TOR1AIP1: variants seen among roughly 807,000 people sequenced by gnomAD.
TOR1AIP1 encodes the protein torsin 1A interacting protein 1.
TOR1AIP1 carries 54 observed loss-of-function variants against 63.3 expected under a neutral mutation model. The observed-to-expected ratio is 0.85, with a 90% CI of 0.69 to 1.07. The LOEUF (loss-of-function observed/expected upper bound fraction) is 1.07. TOR1AIP1 is among the 50% of genes least tolerant of loss of function. The pLI is 0.00. For missense variants in TOR1AIP1, 736 were observed against 715.0 expected (o/e 1.03, Z -0.33); for synonymous variants, 294 against 273.5 (o/e 1.07, Z -0.74).
At chr1:179,887,616 C>T (rs546918033) in intron 2 of TOR1AIP1, among the ~76,000 whole-genome samples, 3 of 152,274 alleles carry the variant, frequency 2.0e-5, no homozygotes, top group East Asian at 3.9e-4. Flanking sequence ...GTTATATATA[C>T]CTACATAACA....
chr1:179,907,044 C>T (rs559517295), intron 6 of TOR1AIP1, among the ~76,000 whole-genome samples: 1 of 151,594 alleles, frequency 6.6e-6, no homozygotes, highest in East Asian at 2.0e-4. Flanking sequence ...GCTGATTTTC[C>T]CTTATTTATA....
chr1:179,906,314 GATATTCATGA>G (rs1228789029), intron 6 of TOR1AIP1, among the ~76,000 whole-genome samples: 1 of 152,132 alleles, frequency 6.6e-6, no homozygotes, highest in Non-Finnish European at 1.5e-5. Flanking sequence ...TTAACAGATA[GATATTCATGA>G]ATTTTTAAAT....
rs948044035 is a variant in TOR1AIP1 at position 179,919,156 on chromosome 1, T to G, written c.*917T>G. The G allele has an allele frequency of 6.6e-6, 1 of 151,916 alleles. No individual in the cohort carries two copies. Among genetic ancestry groups the G allele is most frequent in the African/African-American group, 2.4e-5 (1 of 41,276 alleles). 9.4% of individuals were successfully genotyped at this position (151,916 alleles called of 1,614,324 possible). A position where few individuals can be genotyped will look rare whatever the true frequency, so the allele number is the denominator to read the frequency against. ...GTGCATGCCTGAAATCCCAGCTACTTGGGAGGCTGAGGCAGGAGAATTGCT... is the reference window on the plus strand; with the variant it reads ...GTGCATGCCTGAAATCCCAGCTACTGGGGAGGCTGAGGCAGGAGAATTGCT... On this transcript the variant is annotated 3_prime_UTR_variant, in exon 10 of 10. Coordinates refer to ENST00000606911, the MANE Select transcript of TOR1AIP1 (RefSeq NM_015602.4).
rs1030944685 is a variant in TOR1AIP1 at position 179,882,656 on chromosome 1, C to A, written c.154C>A (p.Gln52Lys). The A allele has an allele frequency of 6.3e-7, 1 of 1,583,436 alleles. No homozygotes were observed. Among genetic ancestry groups the A allele is most frequent in the East Asian group, 2.2e-5 (1 of 44,638 alleles). The change falls in exon 1 of 10, where the codon CAG becomes AAG. Residue 52 changes from glutamine to lysine, a missense_variant. Coordinates refer to ENST00000606911, the MANE Select transcript of TOR1AIP1 (RefSeq NM_015602.4). Reference protein sequence around the residue: ...APAYRTPPSRQGRREVRFSDE... With the variant: ...APAYRTPPSRKGRREVRFSDE... Reference sequence around the variant, plus strand: ...TGCGTACAGAACTCCTCCGTCGCGCCAGGGCCGGCGGGAAGTGAGGTTCTC... The same window carrying A: ...TGCGTACAGAACTCCTCCGTCGCGCAAGGGCCGGCGGGAAGTGAGGTTCTC...
intron 9 of TOR1AIP1, among the ~76,000 whole-genome samples, chr1:179,916,265 G>A (rs186422540): frequency 6.6e-6 from 1 of 152,250 alleles, no homozygotes; most frequent in East Asian, 1.9e-4. Context: ...CGTCATCAGT[G>A]CAAATGTCAA....
At chr1:179,910,236 G>A (rs1489724720) in intron 8 of TOR1AIP1, among the ~76,000 whole-genome samples, 1 of 152,130 alleles carries the variant, frequency 6.6e-6, no homozygotes, top group Non-Finnish European at 1.5e-5. Flanking sequence ...TGCCTTAAGT[G>A]ACCTTTAACC....
chr1:179,914,763 C>T (rs1227929072), intron 9 of TOR1AIP1, among the ~76,000 whole-genome samples: 5 of 148,302 alleles, frequency 3.4e-5, no homozygotes, highest in Non-Finnish European at 5.9e-5. Context: ...CACTGCACTC[C>T]AGCCTGGCAA....
rs1647738639 is a variant in TOR1AIP1 at position 179,882,552 on chromosome 1, T to G, written c.50T>G (p.Val17Gly). 6.7e-7 allele frequency: 1 copy of G among 1,498,868 alleles called. No individual in the cohort carries two copies. The highest frequency in any genetic ancestry group is 8.9e-7 in the Non-Finnish European group (1 of 1,127,668). 92.8% of individuals were successfully genotyped at this position (1,498,868 alleles called of 1,614,324 possible). A position where few individuals can be genotyped will look rare whatever the true frequency, so the allele number is the denominator to read the frequency against. The change falls in exon 1 of 10, where the codon GTG (valine) becomes GGG (glycine). Residue 17 changes from valine to glycine, a missense_variant. Physicochemically the swap from Val to Gly is moderately radical, Grantham distance 109. This residue lies in a region of TOR1AIP1 where 464 missense variants were observed against 371.0 expected (regional missense o/e 1.25). Coordinates refer to ENST00000606911, the MANE Select transcript of TOR1AIP1 (RefSeq NM_015602.4). ...GAGGCGGTGCGGGAAGGATGGGGTG[T>G]GTACGTCACCCCCAGGGCCCCCATC... is the stretch of plus-strand genomic sequence containing the variant. ...RAEAVREGWG[V>G]YVTPRAPIRE...
intron 7 of TOR1AIP1, 88 bp from the exon 8 acceptor site, chr1:179,908,517 T>G: frequency 9.3e-7 from 1 of 1,071,280 alleles, no homozygotes; most frequent in East Asian, 2.5e-5. Context: ...TATTTTGTCT[T>G]TCTGATAGAT....
intron 9 of TOR1AIP1, among the ~76,000 whole-genome samples, 175 bp downstream of exon 9, chr1:179,914,229 C>T (rs531027095): frequency 6.6e-6 from 1 of 152,282 alleles, no homozygotes; most frequent in East Asian, 1.9e-4. Flanking sequence ...TATAGACAAA[C>T]TTTATGAGAC....
Position 179,916,358 on chromosome 1 carries a change from T to C in TOR1AIP1, c.965-1094T>C, listed in dbSNP as rs535912594. ...ACCCCCCTCCCCACAAAATAGGGTC[T>C]TGAGGTACCCCACAGACCACGCCTT... On this transcript the variant is annotated intron_variant, in intron 9 of 9. Coordinates refer to ENST00000606911, the MANE Select transcript of TOR1AIP1 (RefSeq NM_015602.4). Among the ~76,000 whole-genome samples, 116 of 152,298 alleles carry C rather than the reference T, an allele frequency of 7.6e-4. 1 individual carries two copies. Among genetic ancestry groups the C allele is most frequent in the African/African-American group, 2.7e-3 (112 of 41,562 alleles).
chr1:179,913,343 T>G (rs995677011), intron 8 of TOR1AIP1, among the ~76,000 whole-genome samples: 5 of 152,170 alleles, frequency 3.3e-5, no homozygotes, highest in African/African-American at 9.7e-5. Context: ...GCTCTATTGT[T>G]TAACCACAAG....
intron 6 of TOR1AIP1, among the ~76,000 whole-genome samples, chr1:179,904,342 AT>A (rs1174830766): frequency 2.0e-5 from 3 of 152,228 alleles, no homozygotes; most frequent in African/African-American, 7.2e-5. Flanking sequence ...GAGCCTATTT[AT>A]ATGCACTTAT....
At chr1:179,903,929 G>A in intron 5 of TOR1AIP1, 37 bp from the exon 6 acceptor site, 3 of 1,388,320 alleles carry the variant, frequency 2.2e-6, no homozygotes, top group Non-Finnish European at 3.0e-6. Flanking sequence ...TCTAAAAGTT[G>A]GATATTATTT....
At chr1:179,914,102 ATTCCATAATTGT>A (rs1367748785) in intron 9 of TOR1AIP1, 48 bp downstream of exon 9, 9 of 1,533,786 alleles carry the variant, frequency 5.9e-6, no homozygotes, top group Non-Finnish European at 7.2e-6. Flanking sequence ...TAAAATTGGT[ATTCCATAATTGT>A]TTAAAAATGT....
At chr1:179,883,811 A>T (rs1467575698) in intron 1 of TOR1AIP1, 2 of 387,290 alleles carry the variant, frequency 5.2e-6, no homozygotes, top group Non-Finnish European at 1.0e-5. Flanking sequence ...TCCTTAATCT[A>T]TCCTCTCCCA....
At position 179,914,181 on chromosome 1, in the gene TOR1AIP1, G is replaced by A. The variant is rs528719463; in HGVS notation, c.964+127G>A. ...GAAGAATCACATTTTAAGCACTTGAGAGGAAAAAGTATATATTCTACTAGC... is the reference window on the plus strand; with the variant it reads ...GAAGAATCACATTTTAAGCACTTGAAAGGAAAAAGTATATATTCTACTAGC... On this transcript the variant is annotated intron_variant, in intron 9 of 9. Coordinates refer to ENST00000606911, the MANE Select transcript of TOR1AIP1 (RefSeq NM_015602.4). The A allele has an allele frequency of 1.7e-4, 140 of 812,896 alleles. 4 individuals carry two copies. In the South Asian group the frequency reaches 2.2e-3, roughly 13 times the overall value. The allele number at this position is 812,896 out of a possible 1,614,324, so 50.4% of individuals were successfully genotyped here. A position where few individuals can be genotyped will look rare whatever the true frequency, so the allele number is the denominator to read the frequency against.
intron 2 of TOR1AIP1, 126 bp from the exon 3 acceptor site, chr1:179,889,187 T>C: frequency 3.3e-6 from 2 of 607,922 alleles, no homozygotes; most frequent in Non-Finnish European, 2.6e-6. Flanking sequence ...AGCTTGTCTC[T>C]ACTTCTCTAG....
chr1:179,901,041 A>G (rs938647918), intron 4 of TOR1AIP1, among the ~76,000 whole-genome samples: 1 of 152,186 alleles, frequency 6.6e-6, no homozygotes, highest in Non-Finnish European at 1.5e-5. Context: ...TCTACATTAA[A>G]GCCTTATAGT....
Sources: gnomAD v4.1 joint callset for allele counts (sites outside exome capture counted in the v4.1 genomes callset) on GRCh38, gnomAD v4.1.1 for gene constraint, gnomAD v4.1.1 regional missense constraint, MANE v1.5 for transcripts, NCBI Gene and HGNC (gene_info 2026-07-23, HGNC 2026-07-21) for gene names.